The following SAMD12 variants were observed in gnomAD, a reference collection of about 807,000 sequenced individuals.
The protein encoded by SAMD12 is sterile alpha motif domain containing 12, also known as sterile alpha motif domain-containing protein 12.
Under a neutral mutation model 15.0 loss-of-function variants are expected in SAMD12, and 9 were observed. That is an observed-to-expected ratio of 0.60 (90% confidence interval 0.36 to 1.05). The LOEUF is 1.05. SAMD12 is among the 50% of genes least tolerant of loss of function. The probability of loss-of-function intolerance (pLI) is 0.01; values close to 1 mark genes in which losing one functional copy is unlikely to be tolerated. For synonymous variants in SAMD12, 86 were observed against 90.1 expected (o/e 0.96, Z 0.25); for missense variants, 230 against 234.2 (o/e 0.98, Z 0.12).
intron 3 of SAMD12, among the ~76,000 whole-genome samples, chr8:118,411,031 A>C (rs1193902444): frequency 6.6e-6 from 1 of 152,182 alleles, no homozygotes; most frequent in Non-Finnish European, 1.5e-5. Context: ...GTATTATTGG[A>C]GGCTAGAGGA....
intron 4 of SAMD12, among the ~76,000 whole-genome samples, chr8:118,339,869 T>C (rs1419186177): frequency 6.6e-6 from 1 of 152,174 alleles, no homozygotes; most frequent in Admixed American, 6.5e-5. Flanking sequence ...GGTATGGGTG[T>C]GAACAGAGGC....
intron 2 of SAMD12, among the ~76,000 whole-genome samples, chr8:118,487,356 A>G (rs1189126249): frequency 6.6e-6 from 1 of 152,228 alleles, no homozygotes; most frequent in African/African-American, 2.4e-5. Context: ...AGTTTAATGA[A>G]TAAGCAAAGA....
intron 2 of SAMD12, among the ~76,000 whole-genome samples, chr8:118,557,388 C>T (rs1383420242): frequency 6.6e-6 from 1 of 152,154 alleles, no homozygotes; most frequent in African/African-American, 2.4e-5. Flanking sequence ...ATTACTCAGT[C>T]TTGGGTAGTA....
intron 2 of SAMD12, among the ~76,000 whole-genome samples, chr8:118,531,237 G>C (rs1310948922): frequency 1.3e-5 from 2 of 152,186 alleles, no homozygotes; most frequent in African/African-American, 4.8e-5. Flanking sequence ...TCAGATGGTT[G>C]TAGATATGTG....
chr8:118,411,787 G>T (rs180984328), intron 3 of SAMD12, among the ~76,000 whole-genome samples: 9 of 152,194 alleles, frequency 5.9e-5, no homozygotes, highest in African/African-American at 2.2e-4. Context: ...GAAATTCTAC[G>T]GGGAGGGCTA....
chr8:118,404,455 T>A (rs1276975947), intron 3 of SAMD12, among the ~76,000 whole-genome samples: 1 of 152,208 alleles, frequency 6.6e-6, no homozygotes, highest in Non-Finnish European at 1.5e-5. Context: ...GCTAGACCAT[T>A]TGATGTGATA....
chr8:118,538,095 C>A (rs2131141832), intron 2 of SAMD12, among the ~76,000 whole-genome samples: 1 of 152,294 alleles, frequency 6.6e-6, no homozygotes, highest in East Asian at 1.9e-4. Context: ...CAGAAGAATT[C>A]CCTGGATTAC....
intron 2 of SAMD12, among the ~76,000 whole-genome samples, chr8:118,536,569 A>G (rs1233550869): frequency 6.6e-6 from 1 of 152,156 alleles, no homozygotes; most frequent in Non-Finnish European, 1.5e-5. Context: ...AGGCTTGCAT[A>G]TGATATTGCC....
intron 4 of SAMD12, among the ~76,000 whole-genome samples, chr8:118,298,461 A>G (rs998947062): frequency 2.6e-5 from 4 of 152,204 alleles, no homozygotes; most frequent in African/African-American, 9.6e-5. Context: ...TGGCTAGATA[A>G]TCCCAGTTGA....
intron 1 of SAMD12, among the ~76,000 whole-genome samples, chr8:118,589,033 A>T (rs1050155226): frequency 1.3e-5 from 2 of 152,254 alleles, no homozygotes; most frequent in South Asian, 2.1e-4. Context: ...GTAATTCAGC[A>T]GCATTAAAAG....
intron 2 of SAMD12, among the ~76,000 whole-genome samples, chr8:118,569,527 T>A (rs964294779): frequency 9.9e-5 from 15 of 152,270 alleles, no homozygotes; most frequent in African/African-American, 3.4e-4. Flanking sequence ...CTAAAACTGA[T>A]AGGTTGAAGC....
At chr8:118,607,614 C>A (rs1050501895) in intron 1 of SAMD12, among the ~76,000 whole-genome samples, 2 of 152,182 alleles carry the variant, frequency 1.3e-5, no homozygotes, top group African/African-American at 4.8e-5. Flanking sequence ...TGACCATGAG[C>A]AAGTTAAGCT....
At chr8:118,240,958 A>T (rs1382489350) in intron 4 of SAMD12, among the ~76,000 whole-genome samples, 1 of 152,090 alleles carries the variant, frequency 6.6e-6, no homozygotes, top group Non-Finnish European at 1.5e-5. Context: ...CTATCACCCC[A>T]TCATTCAATC....
intron 2 of SAMD12, among the ~76,000 whole-genome samples, chr8:118,440,187 G>GA (rs1488292039): frequency 2.0e-5 from 3 of 152,106 alleles, no homozygotes; most frequent in South Asian, 2.1e-4. Context: ...TCTCTGCTAA[G>GA]AAAAAATCCC....
At chr8:118,225,001 C>G (rs987371285) in intron 4 of SAMD12, among the ~76,000 whole-genome samples, 4 of 152,160 alleles carry the variant, frequency 2.6e-5, no homozygotes, top group African/African-American at 9.7e-5. Flanking sequence ...TCACCTATTA[C>G]AGATATTTCT....
At chr8:118,225,256 C>A (rs573816398) in intron 4 of SAMD12, among the ~76,000 whole-genome samples, 22 of 152,208 alleles carry the variant, frequency 1.4e-4, no homozygotes, top group African/African-American at 5.3e-4. Flanking sequence ...TTCATTTATT[C>A]CCCTTATGAT....
chr8:118,476,862 T>C (rs1823974045), intron 2 of SAMD12, among the ~76,000 whole-genome samples: 3 of 152,198 alleles, frequency 2.0e-5, no homozygotes, highest in African/African-American at 4.8e-5. Context: ...GCTCGAGTAG[T>C]TCTCTGCCAG....
At chr8:118,583,480 T>C (rs1827346132) in intron 1 of SAMD12, among the ~76,000 whole-genome samples, 1 of 152,210 alleles carries the variant, frequency 6.6e-6, no homozygotes, top group Non-Finnish European at 1.5e-5. Context: ...TGTGTAGCTT[T>C]GATCTTTCTG....
chr8:118,314,025 C>G (rs1216568958), intron 4 of SAMD12, among the ~76,000 whole-genome samples: 3 of 151,924 alleles, frequency 2.0e-5, no homozygotes, highest in African/African-American at 7.3e-5. Flanking sequence ...TAATCTTGCT[C>G]AAATGTAAAA....
Sources: gnomAD v4.1 joint callset for allele counts (sites outside exome capture counted in the v4.1 genomes callset) on GRCh38, gnomAD v4.1.1 for gene constraint, MANE v1.5 for transcripts, NCBI Gene and HGNC (gene_info 2026-07-23, HGNC 2026-07-21) for gene names.